Variants in PDILT observed in about 807,000 individuals in gnomAD.
PDILT encodes the protein protein disulfide-isomerase-like protein of the testis.
Under a neutral mutation model 53.7 loss-of-function variants are expected in PDILT, and 43 were observed. The observed-to-expected ratio is 0.80, with a 90% CI of 0.63 to 1.03. PDILT has a LOEUF of 1.03. Among genes scored for constraint, PDILT ranks in the 50% least tolerant of loss-of-function variants. The pLI is 0.00. For synonymous variants in PDILT, 282 were observed against 274.2 expected (o/e 1.03, Z -0.28); for missense variants, 727 against 712.3 (o/e 1.02, Z -0.24).
intron 10 of PDILT, among the ~76,000 whole-genome samples, chr16:20,361,611 C>T (rs144265809): frequency 1.2e-3 from 184 of 152,264 alleles, no homozygotes; most frequent in African/African-American, 4.0e-3. Context: ...CACAACTCCC[C>T]GACATGCATC....
intron 2 of PDILT, among the ~76,000 whole-genome samples, chr16:20,396,346 A>G (rs1489463327): frequency 6.6e-6 from 1 of 152,242 alleles, no homozygotes; most frequent in Non-Finnish European, 1.5e-5. Context: ...ACCAAGATGC[A>G]TGAATGATTC....
chr16:20,374,885 T>C lies in PDILT; in HGVS notation c.618A>G (p.Ile206Met). The C allele has an allele frequency of 6.2e-7, 1 of 1,614,146 alleles. No homozygotes were observed. Among genetic ancestry groups the C allele is most frequent in the Admixed American group, 1.7e-5 (1 of 60,020 alleles). ...AACGCCCAATGACATTGCCAATCGT[T>C]ATGACTCCAAACGTTAGCTCTGGAA... ...KDFPELTFGV[I>M]TIGNVIGRFH... Residue 206 changes from isoleucine (I) to methionine (M), a missense_variant, in exon 5 of 12, where the codon ATA (isoleucine) becomes ATG (methionine). Physicochemically the swap from Ile to Met is conservative, Grantham distance 10. Coordinates refer to ENST00000302451, the MANE Select transcript of PDILT (RefSeq NM_174924.2).
At position 20,360,597 on chromosome 16, in the gene PDILT, T is replaced by C. The variant is rs1373068524; in HGVS notation, c.1477A>G (p.Ile493Val). 8.1e-6 allele frequency: 13 copies of C among 1,614,114 alleles called. No homozygotes were observed. The highest frequency in any genetic ancestry group is 1.1e-5 in the Non-Finnish European group (13 of 1,179,936). Residue 493 changes from isoleucine to valine, a missense_variant, in exon 11 of 12, where the codon ATC becomes GTC. By Grantham distance (29) the Ile-to-Val change is conservative. Transcript: ENST00000302451. ...TCCTCATCCTCAATCTTAGTTTTGA[T>C]GTGGCTTTCCAGGAAGTCAGAGAAG... ...KGFSDFLESH[I>V]KTKIEDEDEL...
chr16:20,370,225 C>A (rs1029155640), intron 7 of PDILT, among the ~76,000 whole-genome samples: 2 of 152,208 alleles, frequency 1.3e-5, no homozygotes, highest in Non-Finnish European at 2.9e-5. Context: ...ACTGAGGACA[C>A]AACCCTGCCC....
At chr16:20,377,920 C>G (rs1023250445) in intron 3 of PDILT, among the ~76,000 whole-genome samples, 2 of 151,852 alleles carry the variant, frequency 1.3e-5, no homozygotes, top group South Asian at 2.1e-4. Context: ...CACCACCGCA[C>G]TCCTGCGCGG....
chr16:20,373,103 T>G lies in PDILT; in HGVS notation c.701A>C (p.Gln234Pro), dbSNP rs1290289533. 1.2e-6 allele frequency: 2 copies of G among 1,614,098 alleles called. No individual in the cohort carries two copies. The highest frequency in any genetic ancestry group is 1.7e-6 in the Non-Finnish European group (2 of 1,179,952). Residue 234 changes from glutamine (Q) to proline (P), a missense_variant, in exon 6 of 12, where the codon CAA (glutamine) becomes CCA (proline). Physicochemically the swap from Gln to Pro is moderately conservative, Grantham distance 76. Transcript: ENST00000302451. The part of the protein sequence containing the change: ...VFKKGKIVNR[Q>P]KLINDSTNKQ... ...GTTGGTACTGTCATTAATAAGCTTT[T>G]GGCGGTTCACAATTTTTCCCTTGTA...
intron 3 of PDILT, among the ~76,000 whole-genome samples, chr16:20,376,987 T>C (rs1966397029): frequency 6.6e-6 from 1 of 152,230 alleles, no homozygotes; most frequent in Non-Finnish European, 1.5e-5. Flanking sequence ...AAACTGAACA[T>C]TTTAAATAAG....
chr16:20,390,523 C>T (rs1364154966), intron 2 of PDILT: 1 of 152,160 alleles, frequency 6.6e-6, no homozygotes, highest in African/African-American at 2.4e-5. Context: ...TTCCCTATCA[C>T]TCTTGTGTAT....
At chr16:20,384,897 C>T in intron 2 of PDILT, 46 bp from the exon 3 acceptor site, 3 of 1,562,992 alleles carry the variant, frequency 1.9e-6, no homozygotes, top group Non-Finnish European at 1.8e-6. Flanking sequence ...TCCTCGCTCC[C>T]CATCTCCAAC....
At chr16:20,400,664 C>G (rs989246365) in intron 1 of PDILT, among the ~76,000 whole-genome samples, 1 of 152,000 alleles carries the variant, frequency 6.6e-6, no homozygotes, top group Non-Finnish European at 1.5e-5. Context: ...GTACAAGGTA[C>G]CCCCAAGGTA....
intron 11 of PDILT, among the ~76,000 whole-genome samples, chr16:20,359,871 C>A (rs965649411): frequency 2.0e-5 from 3 of 152,180 alleles, no homozygotes; most frequent in South Asian, 2.1e-4. Context: ...GACAGGTGAC[C>A]AGTCTTAGCT....
chr16:20,387,090 T>C (rs772796396), intron 2 of PDILT, among the ~76,000 whole-genome samples: 3 of 152,212 alleles, frequency 2.0e-5, no homozygotes, highest in Non-Finnish European at 4.4e-5. Flanking sequence ...TATTCATTCA[T>C]ACAATGAAAC....
At chr16:20,393,999 T>C (rs1966634488) in intron 2 of PDILT, among the ~76,000 whole-genome samples, 1 of 152,194 alleles carries the variant, frequency 6.6e-6, no homozygotes, top group Non-Finnish European at 1.5e-5. Context: ...CTTCCTGTTA[T>C]ATCCTTAGTT....
chr16:20,397,728 A>AG (rs897773524), intron 2 of PDILT, among the ~76,000 whole-genome samples: 3 of 152,066 alleles, frequency 2.0e-5, no homozygotes, highest in African/African-American at 7.2e-5. Flanking sequence ...GTGTGGGTGG[A>AG]GGGGCAGCTT....
chr16:20,360,736 C>T, intron 10 of PDILT, 79 bp from the exon 11 acceptor site: 1 of 1,089,002 alleles, frequency 9.2e-7, no homozygotes, highest in Non-Finnish European at 1.4e-6. Flanking sequence ...TAGGTAAACC[C>T]AGGGTCAAAT....
intron 10 of PDILT, 56 bp from the exon 11 acceptor site, chr16:20,360,713 G>A (rs868457054): frequency 2.9e-5 from 38 of 1,325,146 alleles, no homozygotes; most frequent in Middle Eastern, 1.9e-4. Flanking sequence ...AGAGATGCTC[G>A]AGGATTGCTA....
At chr16:20,360,345 T>C (rs1207901137) in intron 11 of PDILT, among the ~76,000 whole-genome samples, 1 of 152,064 alleles carries the variant, frequency 6.6e-6, no homozygotes, top group African/African-American at 2.4e-5. Flanking sequence ...CTCAGAGCCT[T>C]GGTCTTTCTA....
intron 11 of PDILT, 93 bp downstream of exon 11, chr16:20,360,475 A>G (rs998596756): frequency 1.7e-6 from 2 of 1,174,744 alleles, no homozygotes; most frequent in African/African-American, 1.5e-5. Context: ...TCCCAAGATT[A>G]TGGAACTCCA....
intron 2 of PDILT, 55 bp downstream of exon 2, chr16:20,399,044 A>G (rs1966695842): frequency 6.3e-7 from 1 of 1,593,888 alleles, no homozygotes; most frequent in South Asian, 1.1e-5. Flanking sequence ...CCCCACACAC[A>G]AGGAGGCAGG....
Sources: allele counts gnomAD v4.1 joint callset (sites outside exome capture counted in the v4.1 genomes callset), GRCh38; gene constraint gnomAD v4.1.1; transcripts MANE v1.5; gene names NCBI Gene and HGNC (gene_info 2026-07-23, HGNC 2026-07-21).